CACNA1H: variants seen among roughly 807,000 people sequenced by gnomAD.
CACNA1H encodes the protein voltage-dependent T-type calcium channel subunit alpha-1H.
CACNA1H carries 149 observed loss-of-function variants against 192.5 expected under a neutral mutation model. The observed-to-expected ratio is 0.77, with a 90% CI of 0.68 to 0.89. The LOEUF is 0.89. CACNA1H is among the 40% of genes least tolerant of loss of function. The pLI, the probability that CACNA1H is intolerant of heterozygous loss-of-function variation, is 0.00. For synonymous variants in CACNA1H, 2,202 were observed against 1,475.2 expected (o/e 1.49, Z -11.29); for missense variants, 4,257 against 3,423.5 (o/e 1.24, Z -6.08).
chr16:1,187,566 C>A (rs903593201), intron 2 of CACNA1H, among the ~76,000 whole-genome samples: 7 of 152,222 alleles, frequency 4.6e-5, no homozygotes, highest in African/African-American at 9.6e-5. Flanking sequence ...TAGGGGACAG[C>A]GGGTGGGGCA....
chr16:1,220,673 G>A lies in CACNA1H; in HGVS notation c.6741G>A (p.Lys2247=), dbSNP rs373830807. 305 of 1,608,674 alleles carry A rather than the reference G, an allele frequency of 1.9e-4. No individual in the cohort carries two copies. The highest frequency in any genetic ancestry group is 2.4e-4 in the Non-Finnish European group (282 of 1,178,150). Residue 2247 remains lysine (K), a synonymous_variant, in exon 35 of 35, where the codon AAG becomes AAA. Coordinates refer to ENST00000348261, the MANE Select transcript of CACNA1H (RefSeq NM_021098.3). The part of the protein sequence containing the change: ...GSGAGGDPAA[K]GERWGQASCR... The stretch of plus-strand genomic sequence containing the variant: ...GCGCCGGGGGGGACCCTGCAGCCAA[G>A]GGGGAGCGCTGGGGCCAGGCCTCCT...
In CACNA1H at chr16:1,207,426, C is replaced by T. The variant is rs771994752; in HGVS notation, c.3059C>T (p.Ala1020Val). 28 of 1,612,346 alleles carry T rather than the reference C, an allele frequency of 1.7e-5. No individual in the cohort carries two copies. The highest frequency in any genetic ancestry group is 5.5e-5 in the South Asian group (5 of 91,002). Residue 1020 changes from alanine to valine, a missense_variant, in exon 14 of 35, where the codon GCG becomes GTG. Physicochemically the swap from Ala to Val is moderately conservative, Grantham distance 64. Coordinates refer to ENST00000348261, the MANE Select transcript of CACNA1H (RefSeq NM_021098.3). Reference sequence around the variant, plus strand: ...GCCATCCTCGTGGAGGGCTTCCAGGCGGAGGTGAGGGGGCAGGGAGAGGGG... The same window carrying T: ...GCCATCCTCGTGGAGGGCTTCCAGGTGGAGGTGAGGGGGCAGGGAGAGGGG... ...LVAILVEGFQ[A>V]EGDANRSDTD...
chr16:1,208,107 G>A lies in CACNA1H; in HGVS notation c.3249G>A (p.Thr1083=), dbSNP rs765068597. The part of the protein sequence containing the change: ...SPPLIMCTAA[T]PMPTPKSSPF... The stretch of plus-strand genomic sequence containing the variant: ...CCCTCATCATGTGCACAGCTGCCAC[G>A]CCCATGCCTACCCCCAAGAGCTCAC... The change falls in exon 16 of 35, where the codon ACG becomes ACA. Residue 1083 remains threonine, a synonymous_variant. Transcript: ENST00000348261. 1.1e-5 allele frequency: 17 copies of A among 1,594,868 alleles called. No individual in the cohort carries two copies. The highest frequency in any genetic ancestry group is 4.0e-5 in the African/African-American group (3 of 74,344).
intron 4 of CACNA1H, 38 bp from the exon 5 acceptor site, chr16:1,195,888 C>G (rs1966903528): frequency 6.6e-7 from 1 of 1,517,404 alleles, no homozygotes; most frequent in Non-Finnish European, 9.2e-7. Flanking sequence ...ACCACCTGGG[C>G]TCCTTGTTGA....
At position 1,210,350 on chromosome 16, in the gene CACNA1H, A is replaced by ACCCCCCCCCCCCCCC; in HGVS notation, c.3846-17_3846-16insCCCCCCCCCCCCCCC. 9.6e-6 allele frequency: 3 copies of ACCCCCCCCCCCCCCC among 313,946 alleles called. No homozygotes were observed. Among genetic ancestry groups the ACCCCCCCCCCCCCCC allele is most frequent in the Non-Finnish European group, 1.4e-5 (3 of 215,956 alleles). The allele number at this position is 313,946 out of a possible 1,614,324, so 19.4% of individuals were successfully genotyped here. On this transcript the variant is annotated intron_variant, in intron 18 of 34. Transcript: ENST00000348261. ...TCCACGCCGCCCCGCCCCACCTCTC[A>ACCCCCCCCCCCCCCC]CCCGCCCCCGCCCACCCAGGTTCCG...
intron 21 of CACNA1H, 30 bp from the exon 22 acceptor site, chr16:1,211,138 G>T (rs185220045): frequency 9.0e-5 from 145 of 1,608,742 alleles, no homozygotes; most frequent in Non-Finnish European, 1.2e-4. Flanking sequence ...TGCCATAGAT[G>T]ACTGCAGTGT....
intron 2 of CACNA1H, among the ~76,000 whole-genome samples, chr16:1,175,560 G>A (rs894057670): frequency 4.6e-5 from 7 of 152,168 alleles, no homozygotes; most frequent in African/African-American, 1.7e-4. Flanking sequence ...TCTGCTCGCC[G>A]TGTCCCGAGC....
Position 1,198,786 on chromosome 16 carries a change from C to G in CACNA1H, c.803+12C>G, listed in dbSNP as rs1412882070. On this transcript the variant is annotated intron_variant, in intron 6 of 34. Transcript: ENST00000348261. ...AGTGCCTTTGTCAGGTGCCCAGGCC[C>G]CACCCCCGTGAGGCCCCTGCCCAGA... 3 of 1,604,334 alleles carry G rather than the reference C, an allele frequency of 1.9e-6. No individual in the cohort carries two copies. Among genetic ancestry groups the G allele is most frequent in the South Asian group, 2.2e-5 (2 of 90,730 alleles).
rs565030846 is a variant in CACNA1H at position 1,211,597 on chromosome 16, C to T, written c.4467C>T (p.Asn1489=). The change falls in exon 23 of 35, where the codon AAC becomes AAT. Residue 1489 remains asparagine, a synonymous_variant. Coordinates refer to ENST00000348261, the MANE Select transcript of CACNA1H (RefSeq NM_021098.3). Reference sequence around the variant, plus strand: ...TGCGACGCAAGTACAACTTCGACAACCTGGGCCAGGTGGGCTGGGCGGCCG... The same window carrying T: ...TGCGACGCAAGTACAACTTCGACAATCTGGGCCAGGTGGGCTGGGCGGCCG... ...RWVRRKYNFD[N]LGQALMSLFV... is the part of the protein sequence containing the mutation. 9.3e-6 allele frequency: 15 copies of T among 1,609,926 alleles called. No individual in the cohort carries two copies. Among genetic ancestry groups the T allele is most frequent in the Admixed American group, 3.4e-5 (2 of 59,688 alleles).
rs1967286309 is a variant in CACNA1H, at chr16:1,198,595, C to T, written c.644-20C>T. 1.2e-6 allele frequency: 2 copies of T among 1,611,194 alleles called. No homozygotes were observed. The highest frequency in any genetic ancestry group is 1.7e-6 in the Non-Finnish European group (2 of 1,179,368). ...TCCTGCAGGGCTTAGCAGTGCCAATCCTGGCCCTGCTGCCCACAGGCATGC... is the reference window on the plus strand; with the variant it reads ...TCCTGCAGGGCTTAGCAGTGCCAATTCTGGCCCTGCTGCCCACAGGCATGC... On this transcript the variant is annotated intron_variant, in intron 5 of 34. Coordinates refer to ENST00000348261, the MANE Select transcript of CACNA1H (RefSeq NM_021098.3).
At chr16:1,185,259 A>G (rs1306640004) in intron 2 of CACNA1H, among the ~76,000 whole-genome samples, 1 of 152,120 alleles carries the variant, frequency 6.6e-6, no homozygotes, top group South Asian at 2.1e-4. Flanking sequence ...TCTGTTGGTG[A>G]ACACCAGGGC....
chr16:1,197,283 C>T (rs758210508), intron 5 of CACNA1H, among the ~76,000 whole-genome samples: 3 of 152,206 alleles, frequency 2.0e-5, no homozygotes, highest in Non-Finnish European at 4.4e-5. Context: ...GCTGAGCGTG[C>T]GGTGAGGGGA....
rs113997783 is a variant in CACNA1H at position 1,219,313 on chromosome 16, G to A, written c.6048+183G>A. On this transcript the variant is annotated intron_variant, in intron 34 of 34. Coordinates refer to ENST00000348261, the MANE Select transcript of CACNA1H (RefSeq NM_021098.3). ...ATCTTGGAGCATTGGGCCCAGGTGC[G>A]TCTTCAGGCCTGTGAGCCTGTGGCT... 4.2e-3 allele frequency among the ~76,000 whole-genome samples: 641 copies of A among 152,314 alleles called. 1 individual carries two copies. The highest frequency in any genetic ancestry group is 0.015 in the African/African-American group (609 of 41,542).
rs757893642 is a variant in CACNA1H at position 1,202,194 on chromosome 16, A to C, written c.1744A>C (p.Ile582Leu). The C allele has an allele frequency of 1.9e-6, 3 of 1,553,032 alleles. No individual in the cohort carries two copies. The African/African-American group carries it at 4.1e-5, about 21-fold the overall frequency. ...CAGCATCTACCATGCCGACTGCCAC[A>C]TAGAGGGGCCGCAGGAGAGGGCCCG... Reference protein sequence around the residue: ...VHSIYHADCHIEGPQERARVA... With the variant: ...VHSIYHADCHLEGPQERARVA... Residue 582 changes from isoleucine to leucine, a missense_variant, in exon 9 of 35, where the codon ATA becomes CTA. Transcript: ENST00000348261.
chr16:1,204,498 G>A (rs1968410194), intron 10 of CACNA1H, 40 bp downstream of exon 10: 1 of 1,469,488 alleles, frequency 6.8e-7, no homozygotes, highest in Non-Finnish European at 9.2e-7. Context: ...TCCCTGTCAG[G>A]CTTGCAGGGC....
rs775405604 is a variant in CACNA1H, at chr16:1,202,007, CCACCACCAT to C, written c.1566_1574del (p.His526_His528del). 18 of 1,538,410 alleles carry C rather than the reference CCACCACCAT, an allele frequency of 1.2e-5. No homozygotes were observed. Among genetic ancestry groups the C allele is most frequent in the South Asian group, 7.2e-5 (6 of 83,896 alleles). On this transcript the variant is annotated inframe_deletion, in exon 9 of 35. Transcript: ENST00000348261. ...CAGCCTCGGTGCACCACCTGGTCTA[CCACCACCAT>C]CACCACCACCACCACCACTACCATT...
intron 2 of CACNA1H, among the ~76,000 whole-genome samples, chr16:1,179,073 G>T (rs562660280): frequency 6.6e-6 from 1 of 152,364 alleles, no homozygotes; most frequent in African/African-American, 2.4e-5. Context: ...CCAGGCTGTG[G>T]CGGGTGTAGG....
chr16:1,219,845 G>A (rs771657138), intron 34 of CACNA1H, 136 bp from the exon 35 acceptor site: 26 of 556,760 alleles, frequency 4.7e-5, no homozygotes, highest in Non-Finnish European at 6.7e-5. Flanking sequence ...GCCCCATCTC[G>A]AGGGTCAGGA....
At position 1,167,953 on chromosome 16, in the gene CACNA1H, C is replaced by T. The variant is rs1963964769; in HGVS notation, c.299+13917C>T. On this transcript the variant is annotated intron_variant, in intron 2 of 34. Transcript: ENST00000348261. This position sits in a 1 kb window ranked among gnomAD's most constrained non-coding sequence, Gnocchi z 4.2. ...GGGCCTCAGGAGCCAGGCCTGTTCC[C>T]CGGGGCTGCCTGGAGGCGGCCGCTT... Among the ~76,000 whole-genome samples, 2 of 152,238 alleles carry T rather than the reference C, an allele frequency of 1.3e-5. No individual in the cohort carries two copies. Among genetic ancestry groups the T allele is most frequent in the South Asian group, 4.1e-4 (2 of 4,836 alleles).
Sources: gnomAD v4.1 joint callset for allele counts (sites outside exome capture counted in the v4.1 genomes callset) on GRCh38, gnomAD v4.1.1 for gene constraint, Gnocchi (gnomAD v3.1) non-coding constraint, MANE v1.5 for transcripts, NCBI Gene and HGNC (gene_info 2026-07-23, HGNC 2026-07-21) for gene names.